IPO5: variants seen among roughly 807,000 people sequenced by gnomAD.
IPO5 encodes importin-5.
IPO5 carries 18 observed loss-of-function variants against 143.3 expected under a neutral mutation model. The ratio of observed to expected loss-of-function variants is 0.13; its 90% confidence interval spans 0.09 to 0.19. IPO5 has a LOEUF of 0.19. IPO5 is among the 10% of genes least tolerant of loss of function. The pLI is 1.00. For missense variants in IPO5, 1,013 were observed against 1,336.9 expected, an observed-to-expected ratio of 0.76 and a Z score of 3.78; for synonymous variants, 477 against 465.7, an observed-to-expected ratio of 1.02 and a Z score of -0.31.
At chr13:98,010,780 CTTTTTTT>C (rs71117688) in intron 20 of IPO5, among the ~76,000 whole-genome samples, 1 of 70,032 alleles carries the variant, frequency 1.4e-5, no homozygotes, top group Non-Finnish European at 2.4e-5. Flanking sequence ...AAGGATAATC[CTTTTTTT>C]TTTTTTTTTT....
intron 23 of IPO5, 33 bp from the exon 24 acceptor site, chr13:98,015,693 A>G (rs779441975): frequency 1.5e-5 from 24 of 1,594,186 alleles, no homozygotes; most frequent in Non-Finnish European, 2.1e-5. Context: ...CATCTTGGCA[A>G]TCATTTAAAA....
intron 16 of IPO5, among the ~76,000 whole-genome samples, chr13:98,005,329 T>C (rs1418900724): frequency 6.6e-6 from 1 of 151,502 alleles, no homozygotes; most frequent in East Asian, 1.9e-4. Context: ...TCCGGAGTAA[T>C]GGGATTACAG....
chr13:97,970,520 C>T (rs1594029529), intron 3 of IPO5, among the ~76,000 whole-genome samples: 2 of 152,204 alleles, frequency 1.3e-5, no homozygotes, highest in Middle Eastern at 3.4e-3. Flanking sequence ...ACTTGGGGGG[C>T]TGAGGCAGGA....
At chr13:97,982,383 T>C in intron 4 of IPO5, 120 bp from the exon 5 acceptor site, 3 of 656,766 alleles carry the variant, frequency 4.6e-6, no homozygotes, top group Non-Finnish European at 8.0e-6. Flanking sequence ...CAGAAGGTGT[T>C]AACACCAGAC....
At chr13:97,966,988 A>T (rs1885398819) in intron 2 of IPO5, among the ~76,000 whole-genome samples, 1 of 152,164 alleles carries the variant, frequency 6.6e-6, no homozygotes, top group African/African-American at 2.4e-5. Context: ...GTGAGCTAAG[A>T]TCACGCCACT....
chr13:97,988,742 C>T (rs555162874), intron 6 of IPO5, among the ~76,000 whole-genome samples: 13 of 152,226 alleles, frequency 8.5e-5, no homozygotes, highest in East Asian at 5.8e-4. Context: ...CAACCGAGAT[C>T]GCGCCATTGC....
At chr13:98,011,652 GC>G (rs1594121806) in intron 20 of IPO5, among the ~76,000 whole-genome samples, 1 of 151,792 alleles carries the variant, frequency 6.6e-6, no homozygotes, top group East Asian at 1.9e-4. Flanking sequence ...CATTACAGGT[GC>G]CCGCCACCAT....
At chr13:98,005,247 G>C (rs528216145) in intron 16 of IPO5, among the ~76,000 whole-genome samples, 29 of 151,684 alleles carry the variant, frequency 1.9e-4, no homozygotes, top group African/African-American at 5.6e-4. Flanking sequence ...AACCCAGCTG[G>C]GATGTAGTGG....
intron 5 of IPO5, among the ~76,000 whole-genome samples, chr13:97,983,517 G>A (rs1282397391): frequency 1.3e-5 from 2 of 150,554 alleles, no homozygotes; most frequent in Non-Finnish European, 1.5e-5. Flanking sequence ...TACTGATTGA[G>A]GCATTTTGTA....
In IPO5 at chr13:98,018,476, CT is replaced by C; in HGVS notation, c.2617-5del. On this transcript the variant is annotated splice_polypyrimidine_tract_variant and splice_region_variant and intron_variant, in intron 25 of 28. Coordinates refer to ENST00000651721, the MANE Select transcript of IPO5 (RefSeq NM_002271.6). ...GTATTTGAAGCTTAAAAGAGAATTT[CT>C]TTTGTAGTGTCCACATAGACCATGG... is the stretch of plus-strand genomic sequence containing the variant. The C allele has an allele frequency of 1.9e-6, 3 of 1,599,068 alleles. No individual in the cohort carries two copies. The highest frequency in any genetic ancestry group is 2.2e-5 in the South Asian group (2 of 90,244).
intron 22 of IPO5, 81 bp from the exon 23 acceptor site, chr13:98,015,449 A>G (rs1256741037): frequency 8.1e-6 from 6 of 739,004 alleles, no homozygotes; most frequent in African/African-American, 1.8e-5. Flanking sequence ...TCATTTTTCC[A>G]TATGATTCTT....
At chr13:97,978,232 A>G (rs934198680) in intron 4 of IPO5, among the ~76,000 whole-genome samples, 2 of 152,146 alleles carry the variant, frequency 1.3e-5, no homozygotes, top group Admixed American at 1.3e-4. Context: ...TTTAACATAC[A>G]CATTCATTTT....
intron 23 of IPO5, 35 bp from the exon 24 acceptor site, chr13:98,015,691 C>A: frequency 6.3e-7 from 1 of 1,589,882 alleles, no homozygotes; most frequent in Non-Finnish European, 8.6e-7. Flanking sequence ...ACCATCTTGG[C>A]AATCATTTAA....
At chr13:97,965,752 AGTTTGT>A (rs199525010) in intron 2 of IPO5, among the ~76,000 whole-genome samples, 1,379 of 118,332 alleles carry the variant, frequency 0.012, 20 homozygotes, top group African/African-American at 0.052. Flanking sequence ...TTGTTCTAAT[AGTTTGT>A]GTGTGTGTGT....
At chr13:97,972,664 T>C (rs1026260397) in intron 3 of IPO5, among the ~76,000 whole-genome samples, 27 of 152,228 alleles carry the variant, frequency 1.8e-4, no homozygotes, top group African/African-American at 6.5e-4. Context: ...AACCACTAAG[T>C]ACATTACTTC....
At chr13:97,961,947 G>A (rs1034529060) in intron 2 of IPO5, among the ~76,000 whole-genome samples, 15 of 151,994 alleles carry the variant, frequency 9.9e-5, no homozygotes, top group African/African-American at 3.4e-4. Context: ...TGGCCAACAC[G>A]GCAAAACCCC....
At position 97,985,555 on chromosome 13, in the gene IPO5, A is replaced by G. The variant is rs184286955; in HGVS notation, c.306A>G (p.Gln102=). ...ELLMIIQMET[Q]SSMRKKVCDI... is the part of the protein sequence containing the mutation. ...TCATGATTATTCAGATGGAAACACAATCTAGCATGAGGAAAAAAGTTTGTG... is the reference window on the plus strand; with the variant it reads ...TCATGATTATTCAGATGGAAACACAGTCTAGCATGAGGAAAAAAGTTTGTG... Residue 102 remains glutamine, a synonymous_variant, in exon 6 of 29, where the codon CAA becomes CAG. Coordinates refer to ENST00000651721, the MANE Select transcript of IPO5 (RefSeq NM_002271.6). 3.7e-4 allele frequency: 599 copies of G among 1,614,138 alleles called. No homozygotes were observed. The highest frequency in any genetic ancestry group is 2.5e-3 in the Middle Eastern group (15 of 6,062).
chr13:98,007,851 G>A (rs1391802185), intron 17 of IPO5, among the ~76,000 whole-genome samples: 6 of 152,196 alleles, frequency 3.9e-5, no homozygotes, highest in African/African-American at 1.4e-4. Context: ...TTATACTGTA[G>A]TTCCCTGCCC....
At chr13:98,016,992 G>C in intron 25 of IPO5, 141 bp downstream of exon 25, 1 of 652,458 alleles carries the variant, frequency 1.5e-6, no homozygotes. Flanking sequence ...TTATCAAGTT[G>C]ACTGCATTAC....
Sources: allele counts gnomAD v4.1 joint callset (sites outside exome capture counted in the v4.1 genomes callset), GRCh38; gene constraint gnomAD v4.1.1; transcripts MANE v1.5; gene names NCBI Gene and HGNC (gene_info 2026-07-23, HGNC 2026-07-21).